Variants in CNTRL observed in about 807,000 individuals in gnomAD.
The protein encoded by CNTRL is 110 kDa centrosomal protein.
A neutral mutation model predicts 303.7 loss-of-function variants in CNTRL; 233 were observed. That is an observed-to-expected ratio of 0.77 (90% CI 0.69 to 0.86). CNTRL has a LOEUF of 0.86. CNTRL is among the 40% of genes least tolerant of loss of function. The pLI is 0.00. For missense variants in CNTRL, 2,524 were observed against 2,650.6 expected, an observed-to-expected ratio of 0.95 and a Z score of 1.05; for synonymous variants, 900 against 922.2, an observed-to-expected ratio of 0.98 and a Z score of 0.44.
chr9:121,159,645 A>T (rs1233302674), intron 31 of CNTRL, among the ~76,000 whole-genome samples: 1 of 151,502 alleles, frequency 6.6e-6, no homozygotes. Flanking sequence ...AGATCGTGCC[A>T]CTGCACCCTG....
chr9:121,142,293 GAC>G (rs1250159315), intron 19 of CNTRL, 23 bp downstream of exon 19: 9 of 1,584,046 alleles, frequency 5.7e-6, no homozygotes, highest in African/African-American at 2.7e-5. Flanking sequence ...TAGAAAATGA[GAC>G]ACATAAGTAC....
intron 7 of CNTRL, among the ~76,000 whole-genome samples, chr9:121,104,989 C>T (rs989855133): frequency 2.3e-4 from 35 of 152,096 alleles, no homozygotes; most frequent in African/African-American, 7.7e-4. Flanking sequence ...GCATTACAGG[C>T]GTGAGCCACC....
chr9:121,127,450 C>T (rs1453604367), intron 14 of CNTRL, among the ~76,000 whole-genome samples: 1 of 152,078 alleles, frequency 6.6e-6, no homozygotes, highest in Admixed American at 6.5e-5. Flanking sequence ...AATGTGGGGG[C>T]TACCATTCTT....
intron 24 of CNTRL, 43 bp from the exon 25 acceptor site, chr9:121,150,127 A>G (rs1378622822): frequency 6.6e-7 from 1 of 1,513,278 alleles, no homozygotes; most frequent in Non-Finnish European, 8.9e-7. Flanking sequence ...TGGGGGTAAA[A>G]CACTCTTTTG....
At chr9:121,146,342 G>C (rs555598963) in intron 23 of CNTRL, 86 bp downstream of exon 23, 1 of 1,371,398 alleles carries the variant, frequency 7.3e-7, no homozygotes, top group East Asian at 2.3e-5. Flanking sequence ...TTATGAACAG[G>C]TACCAAAAAC....
At chr9:121,134,747 T>TA (rs2051086860) in intron 14 of CNTRL, among the ~76,000 whole-genome samples, 2 of 152,234 alleles carry the variant, frequency 1.3e-5, no homozygotes, top group Non-Finnish European at 1.5e-5. Flanking sequence ...ATGGTGTGTT[T>TA]AACTTGTATC....
intron 41 of CNTRL, 69 bp from the exon 42 acceptor site, chr9:121,173,606 G>A: frequency 6.2e-7 from 1 of 1,611,262 alleles, no homozygotes; most frequent in East Asian, 2.2e-5. Context: ...GTAGGGGAGG[G>A]AAAGGCTGGT....
Position 121,152,613 on chromosome 9 carries a change from T to C in CNTRL, c.4092T>C (p.Asp1364=). The change falls in exon 26 of 44, where the codon GAT becomes GAC. Residue 1364 remains aspartate (D), a synonymous_variant. Coordinates refer to ENST00000373855, the MANE Select transcript of CNTRL (RefSeq NM_007018.6). ...TGGAAGAACTGCATCATAATATTGA[T>C]GATCTTTTGCAAGAGAAGAAAAGCT... is the stretch of plus-strand genomic sequence containing the variant. ...KEMEELHHNI[D]DLLQEKKSLE... is the part of the protein sequence containing the mutation. 6.2e-7 allele frequency: 1 copy of C among 1,614,100 alleles called. No homozygotes were observed. The highest frequency in any genetic ancestry group is 2.2e-5 in the East Asian group (1 of 44,866).
intron 43 of CNTRL, among the ~76,000 whole-genome samples, 162 bp from the exon 44 acceptor site, chr9:121,176,998 TTAA>T (rs1394753499): frequency 6.6e-6 from 1 of 152,070 alleles, no homozygotes; most frequent in Admixed American, 6.5e-5. Context: ...GAATAACCGT[TTAA>T]TTTTTTCTCT....
chr9:121,098,614 G>C, intron 7 of CNTRL, 42 bp downstream of exon 7: 144 of 1,237,406 alleles, frequency 1.2e-4, no homozygotes, highest in Non-Finnish European at 1.5e-4. Flanking sequence ...GGTGAGGGAG[G>C]AATTTATTTT....
At chr9:121,096,968 GTT>G (rs537212879) in intron 6 of CNTRL, among the ~76,000 whole-genome samples, 2 of 142,702 alleles carry the variant, frequency 1.4e-5, no homozygotes, top group Non-Finnish European at 3.1e-5. Flanking sequence ...AAAGTTCTGG[GTT>G]TTTTTTTTTT....
chr9:121,101,982 G>A (rs2049195773), intron 7 of CNTRL, among the ~76,000 whole-genome samples: 1 of 152,176 alleles, frequency 6.6e-6, no homozygotes, highest in Admixed American at 6.5e-5. Flanking sequence ...ACAAAGAGGA[G>A]CTGGTACCAT....
chr9:121,158,129 G>GA lies in CNTRL; in HGVS notation c.4764+26dup. On this transcript the variant is annotated intron_variant, in intron 30 of 43. Coordinates refer to ENST00000373855, the MANE Select transcript of CNTRL (RefSeq NM_007018.6). ...AGCCAGGTATGGCAATAGACACCTT[G>GA]AAAAAACAACTGACACAGCACTTTA... 1 of 1,608,632 alleles carries GA rather than the reference G, an allele frequency of 6.2e-7. No individual in the cohort carries two copies. The highest frequency in any genetic ancestry group is 8.5e-7 in the Non-Finnish European group (1 of 1,178,592).
chr9:121,135,644 T>C (rs780524205), intron 14 of CNTRL, among the ~76,000 whole-genome samples, 162 bp from the exon 15 acceptor site: 27 of 152,230 alleles, frequency 1.8e-4, no homozygotes, highest in Non-Finnish European at 2.9e-4. Context: ...AACCAGGATA[T>C]GCACAACCTG....
chr9:121,089,168 T>C (rs1432479575), intron 3 of CNTRL, among the ~76,000 whole-genome samples: 17 of 152,204 alleles, frequency 1.1e-4, no homozygotes, highest in Admixed American at 1.1e-3. Flanking sequence ...CAACACTGAG[T>C]TTATACTATA....
chr9:121,136,586 C>T (rs759379250), intron 15 of CNTRL, among the ~76,000 whole-genome samples: 10 of 152,208 alleles, frequency 6.6e-5, no homozygotes, highest in Non-Finnish European at 1.3e-4. Context: ...GCTGGGATTA[C>T]AGGCATGGGC....
chr9:121,103,250 C>G (rs1489043473), intron 7 of CNTRL, among the ~76,000 whole-genome samples: 2 of 152,186 alleles, frequency 1.3e-5, no homozygotes, highest in Non-Finnish European at 2.9e-5. Context: ...CACCACACAT[C>G]TATAACCATC....
chr9:121,124,293 G>A (rs182872628), intron 13 of CNTRL, among the ~76,000 whole-genome samples: 23 of 152,306 alleles, frequency 1.5e-4, no homozygotes, highest in African/African-American at 4.8e-4. Flanking sequence ...TTGATGCCTA[G>A]TGAGTCAGGT....
At chr9:121,174,639 G>C (rs1204469572) in intron 42 of CNTRL, among the ~76,000 whole-genome samples, 2 of 152,048 alleles carry the variant, frequency 1.3e-5, no homozygotes, top group Admixed American at 1.3e-4. Context: ...AAGAAACTAA[G>C]ACTTAGGAAA....
Sources: gnomAD v4.1 joint callset for allele counts (sites outside exome capture counted in the v4.1 genomes callset) on GRCh38, gnomAD v4.1.1 for gene constraint, MANE v1.5 for transcripts, NCBI Gene and HGNC (gene_info 2026-07-23, HGNC 2026-07-21) for gene names.